Variants in STXBP5L observed in about 807,000 individuals in gnomAD.
STXBP5L encodes the protein syntaxin binding protein 5L.
A neutral mutation model predicts 144.5 loss-of-function variants in STXBP5L; 65 were observed. The ratio of observed to expected loss-of-function variants is 0.45; its 90% confidence interval spans 0.37 to 0.55. The LOEUF is 0.55. Ranked by LOEUF, STXBP5L falls within the 20% of genes least tolerant of loss-of-function variation. The pLI, the probability that STXBP5L is intolerant of heterozygous loss-of-function variation, is 0.00. For missense variants in STXBP5L, 1,298 were observed against 1,405.5 expected (o/e 0.92, Z 1.22); for synonymous variants, 505 against 469.6 (o/e 1.08, Z -0.97).
intron 5 of STXBP5L, among the ~76,000 whole-genome samples, chr3:121,056,567 A>G (rs1948474430): frequency 6.6e-6 from 1 of 152,150 alleles, no homozygotes; most frequent in East Asian, 1.9e-4. Context: ...CACATTTAAA[A>G]TATTTTATAA....
intron 19 of STXBP5L, among the ~76,000 whole-genome samples, chr3:121,304,928 A>G (rs1005159076): frequency 1.3e-5 from 2 of 152,094 alleles, no homozygotes; most frequent in East Asian, 1.9e-4. Context: ...AAAATACTAT[A>G]TAAAACCCTA....
Position 120,987,941 on chromosome 3 carries a change from A to C in STXBP5L, c.287+32904A>C, listed in dbSNP as rs1007297757. On this transcript the variant is annotated intron_variant, in intron 3 of 26. Transcript: ENST00000471454. ...ACCAACTGGGTCTGGAGATAATTTC[A>C]TGAGAGATTTGATATTCCAAATTTA... is the stretch of plus-strand genomic sequence containing the variant. Among the ~76,000 whole-genome samples, 15 of 151,860 alleles carry C rather than the reference A, an allele frequency of 9.9e-5. 1 individual carries two copies. Among genetic ancestry groups the C allele is most frequent in the African/African-American group, 2.4e-4 (10 of 41,420 alleles).
intron 6 of STXBP5L, among the ~76,000 whole-genome samples, chr3:121,119,800 T>G (rs2044381043): frequency 6.6e-6 from 1 of 151,326 alleles, no homozygotes; most frequent in South Asian, 2.1e-4. Context: ...TTTTTCCTCT[T>G]CACTTTTGAT....
chr3:121,171,554 A>T (rs1433711399), intron 9 of STXBP5L, among the ~76,000 whole-genome samples: 1 of 152,182 alleles, frequency 6.6e-6, no homozygotes, highest in Non-Finnish European at 1.5e-5. Context: ...GCATTCCTAT[A>T]CACCAATAAT....
At chr3:120,924,407 T>C (rs1439857400) in intron 2 of STXBP5L, among the ~76,000 whole-genome samples, 2 of 152,202 alleles carry the variant, frequency 1.3e-5, no homozygotes, top group Non-Finnish European at 2.9e-5. Flanking sequence ...AAATGAAATC[T>C]ACATTAATGA....
intron 5 of STXBP5L, among the ~76,000 whole-genome samples, chr3:121,102,490 G>A (rs372259874): frequency 2.4e-4 from 37 of 152,134 alleles, no homozygotes; most frequent in African/African-American, 8.9e-4. Context: ...AAATGGTGCT[G>A]TGATACTTGG....
At chr3:121,350,179 A>C (rs530284769) in intron 20 of STXBP5L, among the ~76,000 whole-genome samples, 1 of 152,196 alleles carries the variant, frequency 6.6e-6, no homozygotes, top group East Asian at 1.9e-4. Flanking sequence ...CTCAGCATTT[A>C]CTTGTCTGTA....
At chr3:121,294,657 T>G (rs771305479) in intron 19 of STXBP5L, among the ~76,000 whole-genome samples, 4 of 150,482 alleles carry the variant, frequency 2.7e-5, no homozygotes, top group Admixed American at 6.6e-5. Flanking sequence ...GAGAGAGAGA[T>G]AAGGGAGTAG....
At chr3:121,234,499 C>T (rs1411020928) in intron 12 of STXBP5L, among the ~76,000 whole-genome samples, 1 of 152,138 alleles carries the variant, frequency 6.6e-6, no homozygotes, top group Admixed American at 6.6e-5. Flanking sequence ...GCTTTTGACA[C>T]AGATACAATT....
intron 22 of STXBP5L, among the ~76,000 whole-genome samples, chr3:121,405,697 GT>G (rs1209563106): frequency 6.6e-6 from 1 of 152,036 alleles, no homozygotes; most frequent in Admixed American, 6.6e-5. Flanking sequence ...ATTTACTTGA[GT>G]TTTTTCCAGT....
intron 19 of STXBP5L, among the ~76,000 whole-genome samples, chr3:121,304,806 A>G (rs1446328879): frequency 6.6e-6 from 1 of 152,082 alleles, no homozygotes; most frequent in Admixed American, 6.6e-5. Context: ...TAAGACATTA[A>G]AAAGTAAGAG....
chr3:121,351,231 C>A (rs569372833), intron 20 of STXBP5L, among the ~76,000 whole-genome samples: 65 of 152,266 alleles, frequency 4.3e-4, no homozygotes, highest in African/African-American at 1.2e-3. Context: ...CCACTCCAGA[C>A]CCTGTTTGCC....
chr3:121,039,750 T>G (rs1364765081), intron 3 of STXBP5L, among the ~76,000 whole-genome samples: 1 of 151,206 alleles, frequency 6.6e-6, no homozygotes, highest in Non-Finnish European at 1.5e-5. Context: ...CCCTCCTCTT[T>G]CTCTTTTTTA....
At chr3:121,390,410 G>A (rs990973880) in intron 22 of STXBP5L, among the ~76,000 whole-genome samples, 7 of 152,174 alleles carry the variant, frequency 4.6e-5, no homozygotes, top group African/African-American at 1.7e-4. Context: ...ATTGTTATGT[G>A]TGAATTTGAT....
intron 9 of STXBP5L, among the ~76,000 whole-genome samples, chr3:121,180,109 AAAG>A (rs774880974): frequency 1.4e-4 from 21 of 152,310 alleles, no homozygotes; most frequent in East Asian, 1.2e-3. Flanking sequence ...TCATCACAAA[AAAG>A]ATCATCACCA....
intron 3 of STXBP5L, among the ~76,000 whole-genome samples, chr3:121,033,494 T>A (rs1378797022): frequency 7.1e-6 from 1 of 140,062 alleles, no homozygotes. Context: ...GTGGGTGCAG[T>A]GCACCAGCAT....
chr3:121,201,160 G>A (rs905335526), intron 9 of STXBP5L, among the ~76,000 whole-genome samples: 5 of 152,090 alleles, frequency 3.3e-5, no homozygotes. Context: ...TATGAATCTG[G>A]GTGGTATATT....
intron 19 of STXBP5L, among the ~76,000 whole-genome samples, chr3:121,300,634 C>G (rs1268454410): frequency 4.6e-5 from 7 of 151,242 alleles, no homozygotes. Flanking sequence ...GAAAATAAAA[C>G]AGAGAGGTGT....
intron 3 of STXBP5L, among the ~76,000 whole-genome samples, chr3:120,981,248 T>C (rs1941741390): frequency 6.6e-6 from 1 of 152,186 alleles, no homozygotes; most frequent in Non-Finnish European, 1.5e-5. Flanking sequence ...GAATGTCAAA[T>C]CTCTAGCAAA....
Sources: allele counts gnomAD v4.1 joint callset (sites outside exome capture counted in the v4.1 genomes callset), GRCh38; gene constraint gnomAD v4.1.1; transcripts MANE v1.5; gene names NCBI Gene and HGNC (gene_info 2026-07-23, HGNC 2026-07-21).